The following PLEK variants were observed in gnomAD, a reference collection of about 807,000 sequenced individuals.
PLEK encodes the protein pleckstrin.
In PLEK, 25 loss-of-function variants were observed where a neutral mutation model predicts 43.9. The ratio of observed to expected loss-of-function variants is 0.57; its 90% CI spans 0.41 to 0.79. The LOEUF (loss-of-function observed/expected upper bound fraction) is 0.79, where lower values mean the gene tolerates loss of function less well. Ranked by LOEUF, PLEK falls within the 30% of genes least tolerant of loss-of-function variation. PLEK has a pLI of 0.00. For missense variants in PLEK, 396 were observed against 413.3 expected (o/e 0.96, Z 0.36); for synonymous variants, 152 against 144.4 (o/e 1.05, Z -0.38).
At chr2:68,395,107 T>C (rs2165920) in intron 8 of PLEK, among the ~76,000 whole-genome samples, 66,608 of 151,644 alleles carry the variant, frequency 0.44, 15,059 homozygotes, top group African/African-American at 0.5. Flanking sequence ...TCTGACTTAG[T>C]GCTTGATGAA....
rs1410446331 is a variant in PLEK, at chr2:68,389,718, G to C, written c.762+1227G>C. ...ATGGACTATTATAGTATTTTTTTAT[G>C]ACAGGGTGACCAGCTGGCTAGATTA... On this transcript the variant is annotated intron_variant, in intron 6 of 8. Coordinates refer to ENST00000234313, the MANE Select transcript of PLEK (RefSeq NM_002664.3). 4.6e-5 allele frequency among the ~76,000 whole-genome samples: 7 copies of C among 152,226 alleles called. No individual in the cohort carries two copies. In the East Asian group the frequency reaches 1.4e-3, roughly 29 times the overall value.
intron 6 of PLEK, among the ~76,000 whole-genome samples, chr2:68,389,384 C>A (rs1029834853): frequency 1.3e-5 from 2 of 152,204 alleles, no homozygotes; most frequent in Admixed American, 1.3e-4. Flanking sequence ...GAATCTGTTG[C>A]CATCAGGAGA....
At position 68,386,686 on chromosome 2, in the gene PLEK, T is replaced by G. The variant is rs1343863210; in HGVS notation, c.657T>G (p.Phe219Leu). Residue 219 changes from phenylalanine (F) to leucine (L), a missense_variant and splice_region_variant, in exon 5 of 9, where the codon TTT (phenylalanine) becomes TTG (leucine). Transcript: ENST00000234313. Reference protein sequence around the residue: ...FLDNPDAFYYFPDSGFFCEEN... With the variant: ...FLDNPDAFYYLPDSGFFCEEN... ...ACAACCCTGATGCCTTCTACTACTT[T>G]GTAAGAAAAGCTCCCCATCTCTTCT... The G allele has an allele frequency of 6.2e-7, 1 of 1,610,246 alleles. No homozygotes were observed. The highest frequency in any genetic ancestry group is 1.1e-5 in the South Asian group (1 of 90,812).
intron 1 of PLEK, among the ~76,000 whole-genome samples, chr2:68,379,661 G>T (rs544358133): frequency 1.3e-5 from 2 of 152,258 alleles, no homozygotes; most frequent in African/African-American, 4.8e-5. Context: ...GACATGAAAA[G>T]GGAGGTGCAG....
At chr2:68,383,712 T>A (rs1348115792) in intron 4 of PLEK, among the ~76,000 whole-genome samples, 1 of 152,134 alleles carries the variant, frequency 6.6e-6, no homozygotes, top group East Asian at 1.9e-4. Flanking sequence ...CTGGCTTTCT[T>A]ATGGTGACAG....
intron 1 of PLEK, among the ~76,000 whole-genome samples, chr2:68,366,862 TG>T (rs1318419479): frequency 6.6e-6 from 1 of 152,240 alleles, no homozygotes; most frequent in Non-Finnish European, 1.5e-5. Flanking sequence ...AGTTTTTGTT[TG>T]TTTTTTTAAA....
intron 1 of PLEK, among the ~76,000 whole-genome samples, chr2:68,371,908 C>T (rs549806848): frequency 1.3e-5 from 2 of 152,162 alleles, no homozygotes; most frequent in Admixed American, 6.5e-5. Context: ...AAGAGAAAGG[C>T]TGTATCTTAT....
chr2:68,390,013 G>A (rs868826296), intron 6 of PLEK, among the ~76,000 whole-genome samples: 1 of 140,934 alleles, frequency 7.1e-6, no homozygotes, highest in Non-Finnish European at 1.5e-5. Flanking sequence ...TCTAGAATGG[G>A]GCTCTTGGAA....
Position 68,395,821 on chromosome 2 carries a change from A to G in PLEK, c.*5A>G. Reference sequence around the variant, plus strand: ...GCCTCCCGAACTGGGAAGTAAAGAGACTCCTGCATTCCTCCTCCCCTCCTG... The same window carrying G: ...GCCTCCCGAACTGGGAAGTAAAGAGGCTCCTGCATTCCTCCTCCCCTCCTG... On this transcript the variant is annotated 3_prime_UTR_variant, in exon 9 of 9. Transcript: ENST00000234313. 3.7e-6 allele frequency: 6 copies of G among 1,610,744 alleles called. No individual in the cohort carries two copies. The highest frequency in any genetic ancestry group is 2.2e-5 in the East Asian group (1 of 44,820).
rs770076163 is a variant in PLEK, at chr2:68,365,399, C to T, written c.42+6C>T. ...AGGGCTACCTTGTGAAGAAGGTGAGCGAAGGTGCCACTTACCAGGGTGTCA... is the reference window on the plus strand; with the variant it reads ...AGGGCTACCTTGTGAAGAAGGTGAGTGAAGGTGCCACTTACCAGGGTGTCA... On this transcript the variant is annotated splice_donor_region_variant and intron_variant, in intron 1 of 8. Transcript: ENST00000234313. 1.1e-5 allele frequency: 18 copies of T among 1,612,382 alleles called. No individual in the cohort carries two copies. Among genetic ancestry groups the T allele is most frequent in the African/African-American group, 8.0e-5 (6 of 74,886 alleles).
At position 68,396,839 on chromosome 2, in the gene PLEK, G is replaced by A. The variant is rs1182058965; in HGVS notation, c.*1023G>A. On this transcript the variant is annotated 3_prime_UTR_variant, in exon 9 of 9. Coordinates refer to ENST00000234313, the MANE Select transcript of PLEK (RefSeq NM_002664.3). ...CTACTGGCCAGCTCACTGGATGATGGGTTAATACAACAACTGCACTGTAAG... is the reference window on the plus strand; with the variant it reads ...CTACTGGCCAGCTCACTGGATGATGAGTTAATACAACAACTGCACTGTAAG... 6.6e-6 allele frequency: 1 copy of A among 152,194 alleles called. No homozygotes were observed. Among genetic ancestry groups the A allele is most frequent in the Non-Finnish European group, 1.5e-5 (1 of 68,062 alleles). 9.4% of individuals were successfully genotyped at this position (152,194 alleles called of 1,614,324 possible). A position where few individuals can be genotyped will look rare whatever the true frequency, so the allele number is the denominator to read the frequency against.
At chr2:68,391,807 G>C (rs1208764878) in intron 6 of PLEK, among the ~76,000 whole-genome samples, 2 of 152,214 alleles carry the variant, frequency 1.3e-5, no homozygotes, top group Admixed American at 6.5e-5. Flanking sequence ...TGGCAAGATA[G>C]AAACTCCGTA....
At chr2:68,391,499 G>GGTCCAATTC (rs1673858686) in intron 6 of PLEK, among the ~76,000 whole-genome samples, 1 of 152,214 alleles carries the variant, frequency 6.6e-6, no homozygotes, top group Non-Finnish European at 1.5e-5. Flanking sequence ...ACATGATATA[G>GGTCCAATTC]CAGGTAGGAA....
chr2:68,369,889 T>C (rs1397826243), intron 1 of PLEK, among the ~76,000 whole-genome samples: 2 of 152,342 alleles, frequency 1.3e-5, no homozygotes, highest in South Asian at 2.1e-4. Context: ...CACTGATAAA[T>C]TTTCCAACCT....
Position 68,369,911 on chromosome 2 carries a change from C to G in PLEK, c.42+4518C>G, listed in dbSNP as rs538822494. 2.0e-5 allele frequency among the ~76,000 whole-genome samples: 3 copies of G among 152,300 alleles called. No individual in the cohort carries two copies. The South Asian group carries it at 6.2e-4, about 32-fold the overall frequency. On this transcript the variant is annotated intron_variant, in intron 1 of 8. Transcript: ENST00000234313. Reference sequence around the variant, plus strand: ...AAATTTTCCAACCTGGAAGAGTTCACTTATGTAAAAAATATGCTACTGAAT... The same window carrying G: ...AAATTTTCCAACCTGGAAGAGTTCAGTTATGTAAAAAATATGCTACTGAAT...
intron 5 of PLEK, among the ~76,000 whole-genome samples, chr2:68,387,205 C>A (rs941897354): frequency 3.9e-5 from 6 of 152,148 alleles, no homozygotes; most frequent in Non-Finnish European, 5.9e-5. Context: ...AGCGTTTCAC[C>A]ATGTTGGCCA....
At chr2:68,368,671 C>A (rs1673330520) in intron 1 of PLEK, among the ~76,000 whole-genome samples, 2 of 152,198 alleles carry the variant, frequency 1.3e-5, no homozygotes, top group African/African-American at 2.4e-5. Flanking sequence ...CGAATACCTA[C>A]TACTGAATTA....
At chr2:68,370,676 G>A (rs534899485) in intron 1 of PLEK, among the ~76,000 whole-genome samples, 1 of 152,144 alleles carries the variant, frequency 6.6e-6, no homozygotes, top group East Asian at 1.9e-4. Flanking sequence ...AGAAGAGATG[G>A]GGTTTCACCA....
chr2:68,374,216 A>G (rs1398260774), intron 1 of PLEK, among the ~76,000 whole-genome samples: 2 of 152,232 alleles, frequency 1.3e-5, no homozygotes, highest in African/African-American at 2.4e-5. Flanking sequence ...ACATTTTCCT[A>G]TATAATCACA....
Sources: allele counts gnomAD v4.1 joint callset (sites outside exome capture counted in the v4.1 genomes callset), GRCh38; gene constraint gnomAD v4.1.1; transcripts MANE v1.5; gene names NCBI Gene and HGNC (gene_info 2026-07-23, HGNC 2026-07-21).